The following TTC39B variants were observed in gnomAD, a reference collection of about 807,000 sequenced individuals.
TTC39B encodes tetratricopeptide repeat protein 39B.
Under a neutral mutation model 96.6 loss-of-function variants are expected in TTC39B, and 92 were observed. That is an observed-to-expected ratio of 0.95 (90% CI 0.80 to 1.13). The LOEUF (loss-of-function observed/expected upper bound fraction) is 1.13. Ranked by LOEUF, TTC39B falls within the 50% of genes most tolerant of loss-of-function variation. The pLI is 0.00. For missense variants in TTC39B, 955 were observed against 809.3 expected (o/e 1.18, Z -2.18); for synonymous variants, 367 against 299.4 (o/e 1.23, Z -2.33).
chr9:15,267,857 T>G, intron 2 of TTC39B, 57 bp downstream of exon 2: 1 of 1,463,180 alleles, frequency 6.8e-7, no homozygotes, highest in Non-Finnish European at 9.5e-7. Flanking sequence ...TTACTTTTTA[T>G]GTAAGACAAC....
chr9:15,178,442 G>C (rs1040853955), intron 17 of TTC39B, among the ~76,000 whole-genome samples: 1 of 152,054 alleles, frequency 6.6e-6, no homozygotes, highest in African/African-American at 2.4e-5. Flanking sequence ...TGGGCATGAT[G>C]GCACATGCCT....
intron 1 of TTC39B, among the ~76,000 whole-genome samples, chr9:15,289,274 A>G (rs1824092912): frequency 6.6e-6 from 1 of 152,248 alleles, no homozygotes; most frequent in African/African-American, 2.4e-5. Flanking sequence ...CAAAATGTTC[A>G]ATATGGCTAG....
intron 6 of TTC39B, among the ~76,000 whole-genome samples, chr9:15,204,554 T>C (rs565009342): frequency 1.1e-4 from 17 of 151,982 alleles, no homozygotes; most frequent in Non-Finnish European, 2.4e-4. Flanking sequence ...AAAACAACTT[T>C]CACACAGTTT....
intron 1 of TTC39B, among the ~76,000 whole-genome samples, chr9:15,305,549 C>A (rs1191510322): frequency 6.6e-6 from 1 of 152,042 alleles, no homozygotes; most frequent in Non-Finnish European, 1.5e-5. Flanking sequence ...TATTAAGCAA[C>A]ATCTTTTCTG....
At chr9:15,211,748 G>A (rs957833701) in intron 4 of TTC39B, among the ~76,000 whole-genome samples, 2 of 152,138 alleles carry the variant, frequency 1.3e-5, no homozygotes, top group African/African-American at 4.8e-5. Flanking sequence ...AATAAAGGCC[G>A]CTGGAAATGT....
exon 20 of TTC39B, chr9:15,169,963 CCA>C (rs1443172347): frequency 6.6e-6 from 1 of 151,984 alleles, no homozygotes; most frequent in Non-Finnish European, 1.5e-5. Context: ...CTCAGTATAC[CCA>C]CAGTCACAAT....
chr9:15,276,824 T>C (rs1237822082), intron 1 of TTC39B, among the ~76,000 whole-genome samples: 1 of 152,138 alleles, frequency 6.6e-6, no homozygotes, highest in Non-Finnish European at 1.5e-5. Context: ...TGTAAGGATG[T>C]GAGATAACTC....
intron 2 of TTC39B, among the ~76,000 whole-genome samples, chr9:15,267,003 T>G (rs374375584): frequency 6.6e-6 from 1 of 152,010 alleles, no homozygotes; most frequent in Non-Finnish European, 1.5e-5. Flanking sequence ...GGCGTGAACC[T>G]GGGAGGCGGA....
At chr9:15,269,703 A>C (rs1823267579) in intron 1 of TTC39B, among the ~76,000 whole-genome samples, 1 of 151,134 alleles carries the variant, frequency 6.6e-6, no homozygotes, top group Admixed American at 6.6e-5. Flanking sequence ...AAATACAAAA[A>C]AATTAGCTGG....
At chr9:15,177,892 C>T (rs1376513229) in intron 17 of TTC39B, 78 bp from the exon 18 acceptor site, 77 of 780,946 alleles carry the variant, frequency 9.9e-5, no homozygotes, top group Non-Finnish European at 1.2e-4. Context: ...TTTTTTGAGA[C>T]GGACTCTCGC....
rs921468551 is a variant in TTC39B, at chr9:15,203,303, T to C, written c.759+520A>G. Among the ~76,000 whole-genome samples the C allele has an allele frequency of 3.3e-5, 5 of 152,330 alleles. No individual in the cohort carries two copies. In the East Asian group the frequency reaches 9.6e-4, roughly 29 times the overall value. Reference sequence around the variant, plus strand: ...TCTTGCTCTGTCACCCAAGGTGAAGTGCAGTGGTAGGACCTCGGCTCACGG... The same window carrying C: ...TCTTGCTCTGTCACCCAAGGTGAAGCGCAGTGGTAGGACCTCGGCTCACGG... On this transcript the variant is annotated intron_variant, in intron 7 of 19. Transcript: ENST00000512701.
At chr9:15,293,823 G>A (rs1441322684) in intron 1 of TTC39B, among the ~76,000 whole-genome samples, 1 of 152,214 alleles carries the variant, frequency 6.6e-6, no homozygotes, top group Admixed American at 6.5e-5. Context: ...GCCAATCACC[G>A]AGTTTTGGTC....
At chr9:15,307,055 C>A in intron 1 of TTC39B, 29 bp downstream of exon 1, 1 of 1,605,228 alleles carries the variant, frequency 6.2e-7, no homozygotes, top group South Asian at 1.1e-5. Context: ...GCTTCAGGGG[C>A]CGGGCCCGCA....
chr9:15,268,271 G>A (rs573149641), intron 1 of TTC39B, among the ~76,000 whole-genome samples: 1 of 152,174 alleles, frequency 6.6e-6, no homozygotes, highest in East Asian at 1.9e-4. Flanking sequence ...CAACTATAGA[G>A]TAAAATAAAT....
At chr9:15,214,040 T>C in intron 4 of TTC39B, 99 bp downstream of exon 4, 1 of 871,442 alleles carries the variant, frequency 1.1e-6, no homozygotes, top group Admixed American at 2.5e-5. Context: ...CTTATCAATA[T>C]TCAGATGGGA....
intron 2 of TTC39B, chr9:15,248,901 A>C (rs1822404223): frequency 6.6e-6 from 1 of 152,238 alleles, no homozygotes; most frequent in Admixed American, 6.5e-5. Context: ...CATATTCTGC[A>C]TCTACAACGA....
intron 2 of TTC39B, among the ~76,000 whole-genome samples, chr9:15,243,678 G>A (rs1207804702): frequency 6.6e-6 from 1 of 152,182 alleles, no homozygotes; most frequent in Non-Finnish European, 1.5e-5. Context: ...GGGAGGCTGA[G>A]GCAGGAGGAT....
rs186217325 is a variant in TTC39B, at chr9:15,250,072, C to A, written c.275+17842G>T. 7 of 1,281,530 alleles carry A rather than the reference C, an allele frequency of 5.5e-6. No individual in the cohort carries two copies. The Admixed American group carries it at 1.7e-4, about 31-fold the overall frequency. 79.4% of individuals were successfully genotyped at this position (1,281,530 alleles called of 1,614,324 possible). A position where few individuals can be genotyped will look rare whatever the true frequency, so the allele number is the denominator to read the frequency against. On this transcript the variant is annotated intron_variant, in intron 2 of 19. Transcript: ENST00000512701. ...AAAAATCCTCAATTTCTATTTTATT[C>A]CTTGGTCTCCAGTGAGACTCTCAAT...
intron 1 of TTC39B, 55 bp downstream of exon 1, chr9:15,307,029 C>A: frequency 1.3e-6 from 2 of 1,585,902 alleles, no homozygotes; most frequent in East Asian, 2.3e-5. Flanking sequence ...TCTTCTCTCC[C>A]GGACTCCTGT....
Sources: gnomAD v4.1 joint callset for allele counts (sites outside exome capture counted in the v4.1 genomes callset) on GRCh38, gnomAD v4.1.1 for gene constraint, MANE v1.5 for transcripts, NCBI Gene and HGNC (gene_info 2026-07-23, HGNC 2026-07-21) for gene names.